ETV6: variants seen among roughly 807,000 people sequenced by gnomAD.
ETV6 encodes the protein ETS variant transcription factor 6, also known as transcription factor ETV6.
Under a neutral mutation model 51.1 loss-of-function variants are expected in ETV6, and 16 were observed. That is an observed-to-expected ratio of 0.31 (90% confidence interval 0.21 to 0.48). ETV6 has a LOEUF of 0.48. Ranked by LOEUF, ETV6 falls within the 20% of genes least tolerant of loss-of-function variation. The pLI, the probability that ETV6 is intolerant of heterozygous loss-of-function variation, is 0.99. For missense variants in ETV6, 458 were observed against 594.8 expected (o/e 0.77, Z 2.39); for synonymous variants, 240 against 224.1 (o/e 1.07, Z -0.64).
intron 4 of ETV6, among the ~76,000 whole-genome samples, chr12:11,865,176 G>A (rs987804386): frequency 2.0e-5 from 3 of 151,716 alleles, no homozygotes; most frequent in East Asian, 1.9e-4. Context: ...GCGTGAACCC[G>A]GGAGGTGGAG....
At chr12:11,700,691 G>A (rs3020924) in intron 1 of ETV6, among the ~76,000 whole-genome samples, 47,066 of 151,984 alleles carry the variant, frequency 0.31, 8,663 homozygotes, top group Middle Eastern at 0.43. Flanking sequence ...TATATTTACC[G>A]TTCATTAAGT....
intron 1 of ETV6, among the ~76,000 whole-genome samples, chr12:11,663,937 C>A (rs761246433): frequency 1.2e-4 from 18 of 152,164 alleles, no homozygotes; most frequent in Non-Finnish European, 2.5e-4. Flanking sequence ...ATGAATCAAC[C>A]AAACTTCAAA....
intron 1 of ETV6, among the ~76,000 whole-genome samples, chr12:11,655,074 G>A (rs1357225406): frequency 6.6e-6 from 1 of 152,172 alleles, no homozygotes; most frequent in Non-Finnish European, 1.5e-5. Context: ...AGAGCTGGGG[G>A]CAAGGTGGGG....
chr12:11,727,714 G>A (rs1865516526), intron 1 of ETV6, among the ~76,000 whole-genome samples: 2 of 152,268 alleles, frequency 1.3e-5, no homozygotes, highest in Non-Finnish European at 2.9e-5. Flanking sequence ...AGGCAGGGAA[G>A]AGGCCTAAGG....
intron 1 of ETV6, among the ~76,000 whole-genome samples, chr12:11,683,473 T>A (rs1055931163): frequency 6.6e-6 from 1 of 152,220 alleles, no homozygotes; most frequent in Admixed American, 6.5e-5. Context: ...TAAGATCAAA[T>A]TTTTTAAATG....
chr12:11,671,492 G>A (rs1158078661), intron 1 of ETV6, among the ~76,000 whole-genome samples: 1 of 152,128 alleles, frequency 6.6e-6, no homozygotes, highest in Non-Finnish European at 1.5e-5. Flanking sequence ...TAATTTGAAT[G>A]TTTCTAGTAT....
At chr12:11,707,207 G>A (rs1005001161) in intron 1 of ETV6, among the ~76,000 whole-genome samples, 7 of 152,154 alleles carry the variant, frequency 4.6e-5, no homozygotes, top group Admixed American at 6.5e-5. Flanking sequence ...TGAAAAAAAC[G>A]TGTTGGAGAG....
At chr12:11,758,021 C>G (rs1172397508) in intron 2 of ETV6, among the ~76,000 whole-genome samples, 1 of 152,204 alleles carries the variant, frequency 6.6e-6, no homozygotes, top group Non-Finnish European at 1.5e-5. Flanking sequence ...GATGGGCCAG[C>G]TCTGAGAGTG....
At chr12:11,731,885 C>CAG (rs1179010326) in intron 1 of ETV6, among the ~76,000 whole-genome samples, 2 of 152,144 alleles carry the variant, frequency 1.3e-5, no homozygotes, top group Admixed American at 1.3e-4. Flanking sequence ...AAATGTGATC[C>CAG]TACTGAAGGC....
chr12:11,728,647 A>G (rs1865536509), intron 1 of ETV6, among the ~76,000 whole-genome samples: 1 of 152,198 alleles, frequency 6.6e-6, no homozygotes. Flanking sequence ...TTAAAAAAAA[A>G]AGGTCCATTT....
chr12:11,870,007 G>A (rs202247460), intron 5 of ETV6, 38 bp downstream of exon 5: 4 of 1,560,758 alleles, frequency 2.6e-6, no homozygotes, highest in South Asian at 2.4e-5. Context: ...AGCATCATGG[G>A]GACCTGACAA....
intron 2 of ETV6, among the ~76,000 whole-genome samples, chr12:11,786,415 A>G (rs1302424134): frequency 6.6e-6 from 1 of 152,142 alleles, no homozygotes; most frequent in Non-Finnish European, 1.5e-5. Context: ...AACTGGAAAT[A>G]GGACATATAA....
chr12:11,879,398 G>A (rs1459238758), intron 5 of ETV6, among the ~76,000 whole-genome samples: 1 of 152,058 alleles, frequency 6.6e-6, no homozygotes, highest in African/African-American at 2.4e-5. Context: ...GTCTAGCGTG[G>A]TTTTTTTCTT....
At chr12:11,744,199 C>G (rs1032275457) in intron 1 of ETV6, among the ~76,000 whole-genome samples, 1 of 152,166 alleles carries the variant, frequency 6.6e-6, no homozygotes, top group African/African-American at 2.4e-5. Context: ...GCCCTTGATA[C>G]AACTAAATAG....
intron 2 of ETV6, among the ~76,000 whole-genome samples, chr12:11,827,809 G>C (rs2136447337): frequency 6.6e-6 from 1 of 152,250 alleles, no homozygotes; most frequent in East Asian, 1.9e-4. Context: ...GACTGTGCCG[G>C]GCACCAGAGA....
At chr12:11,812,328 A>G (rs767937384) in intron 2 of ETV6, among the ~76,000 whole-genome samples, 3 of 152,138 alleles carry the variant, frequency 2.0e-5, no homozygotes, top group Non-Finnish European at 2.9e-5. Flanking sequence ...GTGCTGTTAC[A>G]CTAGATCACA....
chr12:11,746,563 C>T (rs889198461), intron 1 of ETV6, among the ~76,000 whole-genome samples: 2 of 152,078 alleles, frequency 1.3e-5, no homozygotes, highest in Non-Finnish European at 2.9e-5. Context: ...ATACAACTAC[C>T]CATATGTATT....
At chr12:11,772,621 A>G (rs938795511) in intron 2 of ETV6, among the ~76,000 whole-genome samples, 6 of 152,162 alleles carry the variant, frequency 3.9e-5, no homozygotes, top group African/African-American at 9.7e-5. Flanking sequence ...ATTTCCTCTA[A>G]AAGTCAGCTA....
intron 1 of ETV6, among the ~76,000 whole-genome samples, chr12:11,669,201 G>C (rs902773143): frequency 6.6e-6 from 1 of 152,146 alleles, no homozygotes; most frequent in Non-Finnish European, 1.5e-5. Context: ...AATCATAGTA[G>C]AACTCTTTAA....
Sources: gnomAD v4.1 joint callset for allele counts (sites outside exome capture counted in the v4.1 genomes callset) on GRCh38, gnomAD v4.1.1 for gene constraint, MANE v1.5 for transcripts, NCBI Gene and HGNC (gene_info 2026-07-23, HGNC 2026-07-21) for gene names.